VPS33B: variants seen among roughly 807,000 people sequenced by gnomAD.
The protein encoded by VPS33B is VPS33B late endosome and lysosome associated.
In VPS33B, 80 loss-of-function variants were observed where a neutral mutation model predicts 95.3. That is an observed-to-expected ratio of 0.84 (90% CI 0.70 to 1.01). VPS33B has a LOEUF of 1.01. Among genes scored for constraint, VPS33B ranks in the 50% least tolerant of loss-of-function variants. The probability of loss-of-function intolerance (pLI) is 0.00; values close to 1 mark genes in which losing one functional copy is unlikely to be tolerated. For missense variants in VPS33B, 715 were observed against 773.4 expected (o/e 0.92, Z 0.90); for synonymous variants, 280 against 280.4 (o/e 1.00, Z 0.01).
At position 91,006,301 on chromosome 15, in the gene VPS33B, A is replaced by G. The variant is rs989503159; in HGVS notation, c.852+71T>C. 47 of 986,692 alleles carry G rather than the reference A, an allele frequency of 4.8e-5. No individual in the cohort carries two copies. Among genetic ancestry groups the G allele is most frequent in the Non-Finnish European group, 2.8e-5 (22 of 787,882 alleles). The allele number at this position is 986,692 out of a possible 1,614,324, so 61.1% of individuals were successfully genotyped here. ...AGAGCTGGGGCCCACAGCCTGGTATAAGCAGGGGGCCCACAGCCTGGTATA... is the reference window on the plus strand; with the variant it reads ...AGAGCTGGGGCCCACAGCCTGGTATGAGCAGGGGGCCCACAGCCTGGTATA... On this transcript the variant is annotated intron_variant, in intron 11 of 22. Coordinates refer to ENST00000333371, the MANE Select transcript of VPS33B (RefSeq NM_018668.5). The surrounding 1 kb of genome is among the most constrained non-coding windows in gnomAD (Gnocchi z 5.4).
chr15:91,005,916 G>GC lies in VPS33B; in HGVS notation c.939+56dup. The GC allele has an allele frequency of 6.2e-7, 1 of 1,603,306 alleles. No homozygotes were observed. ...GTATTAGAAGGGGAGCCCAAGGGCA[G>GC]CAGCCTTGGGAAGCCACTGAGGCAA... On this transcript the variant is annotated intron_variant, in intron 12 of 22. Transcript: ENST00000333371. This position sits in a 1 kb window ranked among gnomAD's most constrained non-coding sequence, Gnocchi z 6.4.
rs2151668903 is a variant in VPS33B, at chr15:91,005,048, T to C, written c.1170+7A>G. The C allele has an allele frequency of 6.2e-7, 1 of 1,614,202 alleles. No homozygotes were observed. Among genetic ancestry groups the C allele is most frequent in the South Asian group, 1.1e-5 (1 of 91,086 alleles). ...TTCTTGGCACCCCCAGCCCTCCACCTGCGCACCTGCCGGTCTATGTGTTCC... is the reference window on the plus strand; with the variant it reads ...TTCTTGGCACCCCCAGCCCTCCACCCGCGCACCTGCCGGTCTATGTGTTCC... On this transcript the variant is annotated splice_region_variant and intron_variant, in intron 15 of 22. Coordinates refer to ENST00000333371, the MANE Select transcript of VPS33B (RefSeq NM_018668.5). This position sits in a 1 kb window ranked among gnomAD's most constrained non-coding sequence, Gnocchi z 6.4.
At position 91,005,034 on chromosome 15, in the gene VPS33B, C is replaced by T. The variant is rs760871162; in HGVS notation, c.1170+21G>A. 1.2e-5 allele frequency: 20 copies of T among 1,614,102 alleles called. No homozygotes were observed. In the East Asian group the frequency reaches 4.0e-4, roughly 32 times the overall value. ...ACCTCTAAATGCCATTCTTGGCACC[C>T]CCAGCCCTCCACCTGCGCACCTGCC... is the stretch of plus-strand genomic sequence containing the variant. On this transcript the variant is annotated intron_variant, in intron 15 of 22. Transcript: ENST00000333371. This position sits in a 1 kb window ranked among gnomAD's most constrained non-coding sequence, Gnocchi z 6.4.
At position 91,018,709 on chromosome 15, in the gene VPS33B, C is replaced by G. The variant is rs1002139365; in HGVS notation, c.97-824G>C. Among the ~76,000 whole-genome samples the G allele has an allele frequency of 6.6e-6, 1 of 152,286 alleles. No individual in the cohort carries two copies. The highest frequency in any genetic ancestry group is 2.1e-4 in the South Asian group (1 of 4,830). The stretch of plus-strand genomic sequence containing the variant: ...AGAGGCCAGGGGTGCTGCTAGACAT[C>G]CAACAATGCACAGGCCAGCCCCCAC... On this transcript the variant is annotated intron_variant, in intron 1 of 22. Transcript: ENST00000333371. The surrounding 1 kb of genome is among the most constrained non-coding windows in gnomAD (Gnocchi z 4.7).
In VPS33B at chr15:91,009,050, C is replaced by T. The variant is rs1210873835; in HGVS notation, c.403+751G>A. On this transcript the variant is annotated intron_variant, in intron 6 of 22. Transcript: ENST00000333371. The surrounding 1 kb of genome is among the most constrained non-coding windows in gnomAD (Gnocchi z 4.1). ...GGGGATTCTGGGCTTTATATTGAGC[C>T]GCTGCTATTTCCAGCAGGGAGGGCT... Among the ~76,000 whole-genome samples the T allele has an allele frequency of 2.0e-5, 3 of 151,966 alleles. No homozygotes were observed. Among genetic ancestry groups the T allele is most frequent in the African/African-American group, 4.8e-5 (2 of 41,352 alleles).
Position 91,005,366 on chromosome 15 carries a change from GCTGCGGCAGT to G in VPS33B, c.1105+4_1105+13del, listed in dbSNP as rs1370311555. The G allele has an allele frequency of 1.2e-6, 2 of 1,614,010 alleles. No homozygotes were observed. Among genetic ancestry groups the G allele is most frequent in the Non-Finnish European group, 1.7e-6 (2 of 1,180,034 alleles). ...GAAGCGTGGGCAGTAGCACAGCAAG[GCTGCGGCAGT>G]TACCATGCTCAGTCTTGATTAGCTC... On this transcript the variant is annotated splice_donor_5th_base_variant and intron_variant, in intron 14 of 22. Transcript: ENST00000333371. The surrounding 1 kb of genome is among the most constrained non-coding windows in gnomAD (Gnocchi z 6.4).
chr15:91,005,865 T>C lies in VPS33B; in HGVS notation c.940-81A>G. On this transcript the variant is annotated intron_variant, in intron 12 of 22. Transcript: ENST00000333371. This position sits in a 1 kb window ranked among gnomAD's most constrained non-coding sequence, Gnocchi z 6.4. ...CCCTCCCTCAGTTGCCATCCATCCA[T>C]GAGAAAGGACAGGGAACCTGTCATA... 1 of 1,605,870 alleles carries C rather than the reference T, an allele frequency of 6.2e-7. No individual in the cohort carries two copies. The highest frequency in any genetic ancestry group is 8.5e-7 in the Non-Finnish European group (1 of 1,173,190).
In VPS33B at chr15:91,009,973, G is replaced by A; in HGVS notation, c.358-127C>T. On this transcript the variant is annotated intron_variant, in intron 5 of 22. Coordinates refer to ENST00000333371, the MANE Select transcript of VPS33B (RefSeq NM_018668.5). The surrounding 1 kb of genome is among the most constrained non-coding windows in gnomAD (Gnocchi z 4.1). The stretch of plus-strand genomic sequence containing the variant: ...ACCCAGTGAAAGACAAGAGAACCCA[G>A]ACTCTTAAGATCTAGAAAGAACCAT... 2 of 987,148 alleles carry A rather than the reference G, an allele frequency of 2.0e-6. No individual in the cohort carries two copies. Among genetic ancestry groups the A allele is most frequent in the Non-Finnish European group, 3.2e-6 (2 of 627,116 alleles). The allele number at this position is 987,148 out of a possible 1,614,324, so 61.1% of individuals were successfully genotyped here.
Position 91,009,696 on chromosome 15 carries a change from A to G in VPS33B, c.403+105T>C, listed in dbSNP as rs1596361316. The G allele has an allele frequency of 6.9e-6, 8 of 1,166,376 alleles. No individual in the cohort carries two copies. Among genetic ancestry groups the G allele is most frequent in the Non-Finnish European group, 9.7e-6 (8 of 826,798 alleles). The allele number at this position is 1,166,376 out of a possible 1,614,324, so 72.3% of individuals were successfully genotyped here. A position where few individuals can be genotyped will look rare whatever the true frequency, so the allele number is the denominator to read the frequency against. On this transcript the variant is annotated intron_variant, in intron 6 of 22. Transcript: ENST00000333371. This position sits in a 1 kb window ranked among gnomAD's most constrained non-coding sequence, Gnocchi z 4.1. ...CACTAACAGGAATAAGACCAGGAAA[A>G]GAAGGAGCTGGTGGTGGGGGTGGGG...
At position 90,999,527 on chromosome 15, in the gene VPS33B, C is replaced by G. The variant is rs999332884; in HGVS notation, c.1774+150G>C. 2 of 829,854 alleles carry G rather than the reference C, an allele frequency of 2.4e-6. No individual in the cohort carries two copies. Among genetic ancestry groups the G allele is most frequent in the African/African-American group, 3.3e-5 (2 of 59,954 alleles). The allele number at this position is 829,854 out of a possible 1,614,324, so 51.4% of individuals were successfully genotyped here. A position where few individuals can be genotyped will look rare whatever the true frequency, so the allele number is the denominator to read the frequency against. On this transcript the variant is annotated intron_variant, in intron 22 of 22. Transcript: ENST00000333371. This position sits in a 1 kb window ranked among gnomAD's most constrained non-coding sequence, Gnocchi z 5.1. ...AGAGATGGGGTTTCACCATGTTGGT[C>G]AGGCTAGGCTCTAACTCCTGACCTC...
At chr15:91,020,290 C>G (rs2041066386) in intron 1 of VPS33B, among the ~76,000 whole-genome samples, 1 of 152,194 alleles carries the variant, frequency 6.6e-6, no homozygotes, top group Non-Finnish European at 1.5e-5. Flanking sequence ...CCATGGAACT[C>G]AGCAACTGGT....
intron 1 of VPS33B, among the ~76,000 whole-genome samples, chr15:91,020,625 A>T (rs111400648): frequency 0.01 from 1,555 of 152,330 alleles, 26 homozygotes; most frequent in African/African-American, 0.035. Context: ...TCAAGCCTAT[A>T]ATCCCAGCAC....
At chr15:91,014,312 T>C (rs895392476) in intron 4 of VPS33B, 72 bp downstream of exon 4, 3 of 1,460,472 alleles carry the variant, frequency 2.1e-6, no homozygotes, top group Non-Finnish European at 2.9e-6. Flanking sequence ...TATTAGAGGG[T>C]CCTTATGGCC....
Position 91,002,165 on chromosome 15 carries a change from G to A in VPS33B, c.1290C>T (p.His430=), listed in dbSNP as rs777956772. 1.9e-6 allele frequency: 3 copies of A among 1,614,082 alleles called. No individual in the cohort carries two copies. The highest frequency in any genetic ancestry group is 1.1e-5 in the South Asian group (1 of 91,086). Residue 430 remains histidine (H), a synonymous_variant, in exon 18 of 23, where the codon CAC becomes CAT. Transcript: ENST00000333371. The surrounding 1 kb of genome is among the most constrained non-coding windows in gnomAD (Gnocchi z 4.7). ...TTCGCAGATTGGAGAAGGTTAGCAG[G>A]TGCTCAGGGCCATAGCTCTGAAGAA... is the stretch of plus-strand genomic sequence containing the variant. ...TQYLQSYGPE[H]LLTFSNLRRA... is the part of the protein sequence containing the mutation.
chr15:91,014,055 T>A (rs555716496), intron 4 of VPS33B, among the ~76,000 whole-genome samples, 184 bp from the exon 5 acceptor site: 4 of 151,796 alleles, frequency 2.6e-5, no homozygotes, highest in Non-Finnish European at 5.9e-5. Flanking sequence ...CTGTCTCTAC[T>A]AAAAACACAA....
Position 91,015,552 on chromosome 15 carries a change from C to T in VPS33B, c.240-1119G>A, listed in dbSNP as rs531097084. Among the ~76,000 whole-genome samples, 7 of 151,902 alleles carry T rather than the reference C, an allele frequency of 4.6e-5. No homozygotes were observed. The highest frequency in any genetic ancestry group is 4.2e-4 in the South Asian group (2 of 4,810). On this transcript the variant is annotated intron_variant, in intron 3 of 22. Coordinates refer to ENST00000333371, the MANE Select transcript of VPS33B (RefSeq NM_018668.5). This position sits in a 1 kb window ranked among gnomAD's most constrained non-coding sequence, Gnocchi z 4.7. ...AAAATTAGCTGGGCAAGGTGGCAGG[C>T]GCCTGTAATCACAGCTACTTGGGAG...
At position 90,998,963 on chromosome 15, in the gene VPS33B, C is replaced by G; in HGVS notation, c.*12G>C. The G allele has an allele frequency of 1.9e-6, 3 of 1,613,872 alleles. No individual in the cohort carries two copies. Among genetic ancestry groups the G allele is most frequent in the Non-Finnish European group, 2.5e-6 (3 of 1,179,948 alleles). On this transcript the variant is annotated 3_prime_UTR_variant, in exon 23 of 23. Coordinates refer to ENST00000333371, the MANE Select transcript of VPS33B (RefSeq NM_018668.5). This position sits in a 1 kb window ranked among gnomAD's most constrained non-coding sequence, Gnocchi z 4.8. ...TGTTCAGGGAAGATGTCAACACTGG[C>G]CGGGAAAAACATCAGGCTTTCACCT... is the stretch of plus-strand genomic sequence containing the variant.
chr15:91,009,914 C>T lies in VPS33B; in HGVS notation c.358-68G>A. 1 of 1,582,550 alleles carries T rather than the reference C, an allele frequency of 6.3e-7. No individual in the cohort carries two copies. Among genetic ancestry groups the T allele is most frequent in the Non-Finnish European group, 8.7e-7 (1 of 1,152,138 alleles). ...TGTTCTCTCCATTTCTCTGGAGTTCCTCTGTGGTCACTGATGAGGACAATA... is the reference window on the plus strand; with the variant it reads ...TGTTCTCTCCATTTCTCTGGAGTTCTTCTGTGGTCACTGATGAGGACAATA... On this transcript the variant is annotated intron_variant, in intron 5 of 22. Coordinates refer to ENST00000333371, the MANE Select transcript of VPS33B (RefSeq NM_018668.5). This position sits in a 1 kb window ranked among gnomAD's most constrained non-coding sequence, Gnocchi z 4.1.
At position 91,004,902 on chromosome 15, in the gene VPS33B, C is replaced by G. The variant is rs1277512682; in HGVS notation, c.1200G>C (p.Met400Ile). 7 of 1,614,064 alleles carry G rather than the reference C, an allele frequency of 4.3e-6. No homozygotes were observed. The African/African-American group carries it at 9.3e-5, about 22-fold the overall frequency. Reference protein sequence around the residue: ...QVSPIESLRLMCLLSITENGL... With the variant: ...QVSPIESLRLICLLSITENGL... ...CATTCTCAGTGATGGACAAAAGGCA[C>G]ATGAGGCGCAGGCTTTCTATAGGCG... is the stretch of plus-strand genomic sequence containing the variant. The change falls in exon 16 of 23, where the codon ATG (methionine) becomes ATC (isoleucine). Residue 400 changes from methionine to isoleucine, a missense_variant. Coordinates refer to ENST00000333371, the MANE Select transcript of VPS33B (RefSeq NM_018668.5).
Sources: allele counts gnomAD v4.1 joint callset (sites outside exome capture counted in the v4.1 genomes callset), GRCh38; gene constraint gnomAD v4.1.1; non-coding constraint Gnocchi (gnomAD v3.1); transcripts MANE v1.5; gene names NCBI Gene and HGNC (gene_info 2026-07-23, HGNC 2026-07-21).